The following DSCAM variants were observed in gnomAD, a reference collection of about 807,000 sequenced individuals.
DSCAM encodes DS cell adhesion molecule, also known as cell adhesion molecule DSCAM.
A neutral mutation model predicts 217.7 loss-of-function variants in DSCAM; 47 were observed. The ratio of observed to expected loss-of-function variants is 0.22; its 90% CI spans 0.17 to 0.28. The LOEUF (loss-of-function observed/expected upper bound fraction) is 0.28, where lower values mean the gene tolerates loss of function less well. DSCAM is among the 10% of genes least tolerant of loss of function. The probability of loss-of-function intolerance (pLI) is 1.00; values close to 1 mark genes in which losing one functional copy is unlikely to be tolerated. For synonymous variants in DSCAM, 1,056 were observed against 1,015.3 expected (o/e 1.04, Z -0.76); for missense variants, 2,080 against 2,618.3 (o/e 0.79, Z 4.49).
intron 3 of DSCAM, among the ~76,000 whole-genome samples, chr21:40,573,454 A>C (rs983865197): frequency 1.3e-5 from 2 of 152,226 alleles, no homozygotes; most frequent in Admixed American, 6.5e-5. Flanking sequence ...GAAAAACCAC[A>C]GGGAAAAATA....
rs181892902 is a variant in DSCAM, at chr21:40,702,754, C to T, written c.361+5700G>A. On this transcript the variant is annotated intron_variant, in intron 2 of 32. Transcript: ENST00000400454. ...TTTTTTAATGATTCTATTTTTTCTC[C>T]TTTGTGGGCTTATTAGCTATAACTC... Among the ~76,000 whole-genome samples the T allele has an allele frequency of 1.3e-3, 190 of 151,156 alleles. 1 individual carries two copies. The highest frequency in any genetic ancestry group is 4.3e-3 in the African/African-American group (176 of 41,180).
intron 3 of DSCAM, among the ~76,000 whole-genome samples, chr21:40,523,411 G>A (rs2076375114): frequency 6.6e-6 from 1 of 152,164 alleles, no homozygotes; most frequent in South Asian, 2.1e-4. Context: ...GACACAAGTG[G>A]CTGGACTTCG....
At chr21:40,207,577 G>T (rs2091140004) in intron 11 of DSCAM, among the ~76,000 whole-genome samples, 1 of 152,060 alleles carries the variant, frequency 6.6e-6, no homozygotes, top group Non-Finnish European at 1.5e-5. Flanking sequence ...GAGCCTTTAG[G>T]CACAACATAA....
intron 3 of DSCAM, among the ~76,000 whole-genome samples, chr21:40,635,130 A>G (rs934488844): frequency 6.6e-6 from 1 of 152,202 alleles, no homozygotes; most frequent in Non-Finnish European, 1.5e-5. Flanking sequence ...GTAGGTCACC[A>G]TTCAAGGAAG....
intron 11 of DSCAM, among the ~76,000 whole-genome samples, chr21:40,206,256 G>A (rs2091124452): frequency 6.6e-6 from 1 of 152,222 alleles, no homozygotes; most frequent in South Asian, 2.1e-4. Flanking sequence ...TGTCCCTAAT[G>A]ACAGGAACAG....
intron 3 of DSCAM, among the ~76,000 whole-genome samples, chr21:40,560,113 A>G (rs1601745074): frequency 2.0e-5 from 3 of 152,130 alleles, no homozygotes; most frequent in African/African-American, 7.2e-5. Flanking sequence ...CTTTTGAACT[A>G]AACACTTGTG....
At chr21:40,559,595 G>A (rs2146180143) in intron 3 of DSCAM, among the ~76,000 whole-genome samples, 1 of 152,122 alleles carries the variant, frequency 6.6e-6, no homozygotes, top group African/African-American at 2.4e-5. Flanking sequence ...AGAAGTTTAT[G>A]TTGTAGTTCT....
intron 3 of DSCAM, among the ~76,000 whole-genome samples, chr21:40,570,101 CAAGA>C (rs2076794862): frequency 6.6e-6 from 1 of 152,116 alleles, no homozygotes; most frequent in Non-Finnish European, 1.5e-5. Context: ...TACAGAAAGT[CAAGA>C]ACAGGTCTAG....
intron 1 of DSCAM, among the ~76,000 whole-genome samples, chr21:40,802,969 G>A (rs746527274): frequency 3.9e-5 from 6 of 152,276 alleles, no homozygotes; most frequent in Non-Finnish European, 8.8e-5. Flanking sequence ...AGACAGACAA[G>A]GTACCACTAA....
At chr21:40,587,239 A>G (rs796962353) in intron 3 of DSCAM, among the ~76,000 whole-genome samples, 13 of 152,274 alleles carry the variant, frequency 8.5e-5, no homozygotes, top group African/African-American at 3.1e-4. Context: ...ATCTACCCGT[A>G]TTTCTGATGA....
At chr21:40,500,960 C>T (rs771118725) in intron 3 of DSCAM, among the ~76,000 whole-genome samples, 4 of 151,690 alleles carry the variant, frequency 2.6e-5, no homozygotes, top group South Asian at 2.1e-4. Flanking sequence ...GTATGCAGCA[C>T]GAGGCTTCTC....
At chr21:40,722,895 T>C (rs1013707379) in intron 1 of DSCAM, among the ~76,000 whole-genome samples, 6 of 152,178 alleles carry the variant, frequency 3.9e-5, no homozygotes, top group Non-Finnish European at 8.8e-5. Flanking sequence ...AAGTAGATTT[T>C]AGAATAAGAA....
At chr21:40,231,302 C>A (rs1426129722) in intron 11 of DSCAM, among the ~76,000 whole-genome samples, 1 of 151,756 alleles carries the variant, frequency 6.6e-6, no homozygotes, top group Non-Finnish European at 1.5e-5. Flanking sequence ...CCACACTCAG[C>A]CACCAACACT....
intron 3 of DSCAM, among the ~76,000 whole-genome samples, chr21:40,632,023 G>A (rs2089698015): frequency 6.6e-6 from 1 of 152,228 alleles, no homozygotes; most frequent in African/African-American, 2.4e-5. Context: ...GTGAGAAGGT[G>A]CATTTGAACA....
At chr21:40,349,659 T>C (rs137942033) in intron 5 of DSCAM, among the ~76,000 whole-genome samples, 1 of 152,300 alleles carries the variant, frequency 6.6e-6, no homozygotes, top group African/African-American at 2.4e-5. Context: ...AGAAAATAGT[T>C]ATTGAGAGCG....
intron 20 of DSCAM, among the ~76,000 whole-genome samples, chr21:40,115,421 C>T (rs565764876): frequency 8.6e-5 from 13 of 151,952 alleles, no homozygotes; most frequent in Non-Finnish European, 1.5e-4. Context: ...TTGTGGGGTG[C>T]GGGGACGGGG....
At position 40,272,866 on chromosome 21, in the gene DSCAM, AT is replaced by A. The variant is rs957404799; in HGVS notation, c.2356+3230del. Among the ~76,000 whole-genome samples the A allele has an allele frequency of 2.7e-4, 40 of 149,230 alleles. No homozygotes were observed. In the South Asian group the frequency reaches 2.8e-3, roughly 10 times the overall value. On this transcript the variant is annotated intron_variant, in intron 11 of 32. Transcript: ENST00000400454. ...GACCAGTAAACTCTCCTTTATATCTATTTTTTTTTTCAGTTTGAGATCCTAA... is the reference window on the plus strand; with the variant it reads ...GACCAGTAAACTCTCCTTTATATCTATTTTTTTTTCAGTTTGAGATCCTAA...
chr21:40,458,591 T>C lies in DSCAM; in HGVS notation c.509-89346A>G, dbSNP rs535745021. Among the ~76,000 whole-genome samples, 3 of 152,206 alleles carry C rather than the reference T, an allele frequency of 2.0e-5. 1 individual carries two copies. The South Asian group carries it at 6.2e-4, about 32-fold the overall frequency. Reference sequence around the variant, plus strand: ...ATAAAAACGTAAATACAAGAATGAATGCATTTGAAAACAGAATCATGTTAG... The same window carrying C: ...ATAAAAACGTAAATACAAGAATGAACGCATTTGAAAACAGAATCATGTTAG... On this transcript the variant is annotated intron_variant, in intron 3 of 32. Coordinates refer to ENST00000400454, the MANE Select transcript of DSCAM (RefSeq NM_001389.5).
rs142335140 is a variant in DSCAM at position 40,432,587 on chromosome 21, A to C, written c.509-63342T>G. Among the ~76,000 whole-genome samples, 7 of 152,320 alleles carry C rather than the reference A, an allele frequency of 4.6e-5. No homozygotes were observed. In the East Asian group the frequency reaches 1.4e-3, roughly 29 times the overall value. On this transcript the variant is annotated intron_variant, in intron 3 of 32. Coordinates refer to ENST00000400454, the MANE Select transcript of DSCAM (RefSeq NM_001389.5). Reference sequence around the variant, plus strand: ...CACAGGTTCCTAGTGCTTCGGATTCAACATCTTTGGTGAATGGGGCATTAT... The same window carrying C: ...CACAGGTTCCTAGTGCTTCGGATTCCACATCTTTGGTGAATGGGGCATTAT...
Sources: gnomAD v4.1 joint callset for allele counts (sites outside exome capture counted in the v4.1 genomes callset) on GRCh38, gnomAD v4.1.1 for gene constraint, MANE v1.5 for transcripts, NCBI Gene and HGNC (gene_info 2026-07-23, HGNC 2026-07-21) for gene names.